The following PDE1A variants were observed in gnomAD, a reference collection of about 807,000 sequenced individuals.
The protein encoded by PDE1A is dual specificity calcium/calmodulin-dependent 3',5'-cyclic nucleotide phosphodiesterase 1A.
A neutral mutation model predicts 61.7 loss-of-function variants in PDE1A; 35 were observed. The observed-to-expected ratio is 0.57, with a 90% CI of 0.43 to 0.75. PDE1A has a LOEUF of 0.75. Among genes scored for constraint, PDE1A ranks in the 30% least tolerant of loss-of-function variants. The probability of loss-of-function intolerance (pLI) is 0.00; values close to 1 mark genes in which losing one functional copy is unlikely to be tolerated. For missense variants in PDE1A, 597 were observed against 630.6 expected (o/e 0.95, Z 0.57); for synonymous variants, 232 against 213.2 (o/e 1.09, Z -0.77).
At chr2:182,690,525 T>C in the PDE1A span, among the ~76,000 whole-genome samples, 4 of 152,324 alleles carry the variant, frequency 2.6e-5, no homozygotes, top group African/African-American at 9.6e-5. Context: ...TGATGGGATG[T>C]ATCTCAAAAT....
chr2:182,398,366 C>T (rs1489986246), intron 1 of PDE1A, among the ~76,000 whole-genome samples: 1 of 151,748 alleles, frequency 6.6e-6, no homozygotes, highest in Non-Finnish European at 1.5e-5. Context: ...ACCCACAGTT[C>T]AACATTGTCA....
chr2:182,658,017 A>C, the PDE1A span, among the ~76,000 whole-genome samples: 1 of 142,622 alleles, frequency 7.0e-6, no homozygotes, highest in Admixed American at 7.1e-5. Context: ...TGTGTATCGC[A>C]TAGTACCTAG....
the PDE1A span, among the ~76,000 whole-genome samples, chr2:182,572,095 T>C: frequency 1.3e-5 from 2 of 152,276 alleles, no homozygotes; most frequent in South Asian, 4.1e-4. Flanking sequence ...TCTCTACAGA[T>C]CCAGGAACTG....
the PDE1A span, among the ~76,000 whole-genome samples, chr2:182,620,660 T>C: frequency 1.3e-5 from 2 of 152,244 alleles, no homozygotes; most frequent in East Asian, 3.8e-4. Flanking sequence ...ATGTTTTTCA[T>C]GTTCCTTTTC....
the PDE1A span, among the ~76,000 whole-genome samples, chr2:182,647,630 G>A: frequency 2.6e-5 from 4 of 152,130 alleles, no homozygotes; most frequent in East Asian, 7.7e-4. Context: ...ACCTTTTTCT[G>A]AGCAGATAAG....
At chr2:182,563,966 T>G in the PDE1A span, among the ~76,000 whole-genome samples, 1 of 152,128 alleles carries the variant, frequency 6.6e-6, no homozygotes, top group Admixed American at 6.5e-5. Context: ...GTGAGATGGG[T>G]TTCCTGAATA....
At chr2:182,667,011 T>C in the PDE1A span, among the ~76,000 whole-genome samples, 1 of 152,208 alleles carries the variant, frequency 6.6e-6, no homozygotes, top group East Asian at 1.9e-4. Flanking sequence ...TATATTTGGT[T>C]CTGCTGTAGC....
the PDE1A span, among the ~76,000 whole-genome samples, chr2:182,529,257 T>A: frequency 6.6e-6 from 1 of 152,234 alleles, no homozygotes; most frequent in Admixed American, 6.5e-5. Context: ...TGCATCAATA[T>A]GACCTGTATG....
At chr2:182,676,763 T>C in the PDE1A span, among the ~76,000 whole-genome samples, 1 of 152,164 alleles carries the variant, frequency 6.6e-6, no homozygotes, top group Non-Finnish European at 1.5e-5. Context: ...GTTCAACATA[T>C]GCAAATCAAT....
chr2:182,194,669 A>C (rs1331955129), intron 10 of PDE1A, among the ~76,000 whole-genome samples: 1 of 152,104 alleles, frequency 6.6e-6, no homozygotes, highest in Admixed American at 6.6e-5. Context: ...TTAGAGGGTG[A>C]AACTAAAGTA....
chr2:182,182,871 A>G (rs975137623), intron 13 of PDE1A, among the ~76,000 whole-genome samples: 1 of 152,022 alleles, frequency 6.6e-6, no homozygotes, highest in Admixed American at 6.6e-5. Context: ...TTTCTTCCTC[A>G]GTGAAGGCTT....
chr2:182,470,842 T>C (rs145098977), intron 2 of PDE1A, among the ~76,000 whole-genome samples: 196 of 151,934 alleles, frequency 1.3e-3, no homozygotes, highest in African/African-American at 4.6e-3. Context: ...CAAGGAGCAT[T>C]AGGCTCAATC....
At chr2:182,557,358 C>G in the PDE1A span, among the ~76,000 whole-genome samples, 121 of 152,282 alleles carry the variant, frequency 7.9e-4, no homozygotes, top group Non-Finnish European at 1.5e-3. Flanking sequence ...AACATAATTT[C>G]TCTGCACTGT....
At chr2:182,404,912 A>C (rs1407385733) in intron 1 of PDE1A, among the ~76,000 whole-genome samples, 1 of 152,228 alleles carries the variant, frequency 6.6e-6, no homozygotes, top group Non-Finnish European at 1.5e-5. Flanking sequence ...ATAAAATAAC[A>C]ATAAAAAGTA....
chr2:182,323,145 T>C (rs1696809147), intron 1 of PDE1A, among the ~76,000 whole-genome samples: 1 of 152,216 alleles, frequency 6.6e-6, no homozygotes, highest in Non-Finnish European at 1.5e-5. Flanking sequence ...AATGGCTTTA[T>C]AGAAGCCTTT....
chr2:182,382,555 C>G (rs1235356562), intron 1 of PDE1A, among the ~76,000 whole-genome samples: 3 of 152,204 alleles, frequency 2.0e-5, no homozygotes, highest in African/African-American at 7.2e-5. Context: ...ACATACATCC[C>G]AGCCTAGCAT....
intron 1 of PDE1A, among the ~76,000 whole-genome samples, chr2:182,270,205 A>T (rs753272670): frequency 6.6e-6 from 1 of 152,192 alleles, no homozygotes; most frequent in East Asian, 1.9e-4. Flanking sequence ...CATCTTTGAA[A>T]GCAATTGATT....
At chr2:182,522,600 A>G in intron 1 of PDE1A, 1 of 1,336,290 alleles carries the variant, frequency 7.5e-7, no homozygotes, top group Non-Finnish European at 9.6e-7. Flanking sequence ...AGACAGCAGT[A>G]TAAACAGATG....
intron 1 of PDE1A, among the ~76,000 whole-genome samples, chr2:182,300,029 G>A (rs1695139404): frequency 6.6e-6 from 1 of 152,176 alleles, no homozygotes; most frequent in Non-Finnish European, 1.5e-5. Flanking sequence ...GGTGAAGTTT[G>A]TAGTAGTCCA....
Sources: allele counts gnomAD v4.1 joint callset (sites outside exome capture counted in the v4.1 genomes callset), GRCh38; gene constraint gnomAD v4.1.1; transcripts MANE v1.5; gene names NCBI Gene and HGNC (gene_info 2026-07-23, HGNC 2026-07-21).